NUP98: variants seen among roughly 807,000 people sequenced by gnomAD.
NUP98 encodes the protein nucleoporin 98 and 96 precursor, also known as nuclear pore complex protein Nup98-Nup96.
In NUP98, 26 loss-of-function variants were observed where a neutral mutation model predicts 191.9. The ratio of observed to expected loss-of-function variants is 0.14; its 90% CI spans 0.10 to 0.19. The LOEUF (loss-of-function observed/expected upper bound fraction) is 0.19. Among genes scored for constraint, NUP98 ranks in the 10% least tolerant of loss-of-function variants. The pLI is 1.00. For synonymous variants in NUP98, 808 were observed against 778.4 expected (o/e 1.04, Z -0.63); for missense variants, 1,941 against 2,178.8 (o/e 0.89, Z 2.17).
At chr11:3,758,708 C>T (rs1433644651) in intron 10 of NUP98, among the ~76,000 whole-genome samples, 4 of 152,070 alleles carry the variant, frequency 2.6e-5, no homozygotes, top group Non-Finnish European at 2.9e-5. Context: ...TCACTCCAAC[C>T]AGGGAGGTGG....
intron 12 of NUP98, among the ~76,000 whole-genome samples, chr11:3,743,025 C>CT (rs545235961): frequency 1.8e-4 from 28 of 151,516 alleles, no homozygotes; most frequent in African/African-American, 6.5e-4. Flanking sequence ...TTACTTTTTT[C>CT]TTTTTTTTGT....
At chr11:3,767,021 G>A (rs1378067685) in intron 8 of NUP98, among the ~76,000 whole-genome samples, 1 of 152,164 alleles carries the variant, frequency 6.6e-6, no homozygotes, top group Non-Finnish European at 1.5e-5. Flanking sequence ...CTGGAGTGCA[G>A]TGGCAAAATC....
chr11:3,703,216 CTTT>C (rs1310254994), intron 22 of NUP98, among the ~76,000 whole-genome samples: 5 of 139,134 alleles, frequency 3.6e-5, no homozygotes, highest in Non-Finnish European at 3.1e-5. Flanking sequence ...TCTTCAAAAA[CTTT>C]TTTTTTTTTT....
intron 1 of NUP98, among the ~76,000 whole-genome samples, chr11:3,787,368 G>C (rs561424193): frequency 6.6e-6 from 1 of 151,612 alleles, no homozygotes; most frequent in South Asian, 2.1e-4. Context: ...GATCAACTAA[G>C]GTCAGGAGTT....
At chr11:3,738,087 CAAAAAAAAAAA>C (rs61502115) in intron 12 of NUP98, among the ~76,000 whole-genome samples, 1 of 69,734 alleles carries the variant, frequency 1.4e-5, no homozygotes, top group African/African-American at 5.0e-5. Context: ...TGGGCGTTCT[CAAAAAAAAAAA>C]AAAAAAAAAC....
At chr11:3,751,074 C>T (rs1462679521) in intron 11 of NUP98, among the ~76,000 whole-genome samples, 1 of 151,998 alleles carries the variant, frequency 6.6e-6, no homozygotes, top group Non-Finnish European at 1.5e-5. Context: ...AAATATAATC[C>T]CAGGCCGGGC....
intron 32 of NUP98, 56 bp from the exon 33 acceptor site, chr11:3,676,432 G>C (rs987730473): frequency 4.9e-5 from 79 of 1,603,408 alleles, no homozygotes; most frequent in Non-Finnish European, 6.6e-5. Context: ...AAGGGTGGTA[G>C]GCACTGAGGG....
intron 17 of NUP98, among the ~76,000 whole-genome samples, chr11:3,719,801 G>A (rs1459100408): frequency 8.9e-6 from 1 of 112,758 alleles, no homozygotes; most frequent in Non-Finnish European, 1.8e-5. Flanking sequence ...GTCTTGTTCT[G>A]TTGACCAGAC....
chr11:3,774,011 T>A (rs1055518190), intron 5 of NUP98, among the ~76,000 whole-genome samples: 6 of 152,170 alleles, frequency 3.9e-5, no homozygotes, highest in African/African-American at 1.4e-4. Context: ...AAAATACATG[T>A]AATATTATGC....
intron 18 of NUP98, among the ~76,000 whole-genome samples, chr11:3,717,034 C>T (rs1370065512): frequency 6.6e-6 from 1 of 152,098 alleles, no homozygotes; most frequent in Non-Finnish European, 1.5e-5. Context: ...CACGTGGTCT[C>T]GCTTTGTCAC....
chr11:3,776,121 ATTTTTT>A, intron 4 of NUP98, 100 bp from the exon 5 acceptor site: 13 of 538,194 alleles, frequency 2.4e-5, no homozygotes, highest in Non-Finnish European at 3.1e-5. Context: ...ACAGTACTTC[ATTTTTT>A]TTTTTTTTTT....
rs140087999 is a variant in NUP98 at position 3,687,202 on chromosome 11, G to A, written c.4455-1008C>T. Among the ~76,000 whole-genome samples the A allele has an allele frequency of 1.2e-3, 180 of 152,184 alleles. 1 individual carries two copies. The highest frequency in any genetic ancestry group is 4.1e-3 in the African/African-American group (170 of 41,510). ...TCCCACTTCAGCGTCACAAACTGCT[G>A]GGATTATAGGCATGACGCACCATAC... On this transcript the variant is annotated intron_variant, in intron 28 of 32. Coordinates refer to ENST00000324932, the MANE Select transcript of NUP98 (RefSeq NM_016320.5).
chr11:3,707,650 C>G (rs1482492577), intron 20 of NUP98, among the ~76,000 whole-genome samples: 2 of 142,874 alleles, frequency 1.4e-5, no homozygotes, highest in African/African-American at 5.2e-5. Flanking sequence ...TGCCTATAAT[C>G]CCAGCTACTC....
rs765053676 is a variant in NUP98, at chr11:3,768,769, G to T, written c.785-25C>A. On this transcript the variant is annotated intron_variant, in intron 7 of 32. Coordinates refer to ENST00000324932, the MANE Select transcript of NUP98 (RefSeq NM_016320.5). ...CCTTTTAGGAAAAAGAAAAAAAAAA[G>T]AAAAAAGAAATAATAAAAAAAATGT... The T allele has an allele frequency of 2.5e-6, 3 of 1,179,126 alleles. No homozygotes were observed. The highest frequency in any genetic ancestry group is 2.0e-5 in the South Asian group (1 of 51,158). The allele number at this position is 1,179,126 out of a possible 1,614,324, so 73.0% of individuals were successfully genotyped here. A position where few individuals can be genotyped will look rare whatever the true frequency, so the allele number is the denominator to read the frequency against.
chr11:3,771,632 T>G lies in NUP98; in HGVS notation c.784+116A>C, dbSNP rs927392875. Reference sequence around the variant, plus strand: ...ATCCAGGCATTCCTCCCTATTCCTATGGTATCCCTGAATTATTATTTTTCT... The same window carrying G: ...ATCCAGGCATTCCTCCCTATTCCTAGGGTATCCCTGAATTATTATTTTTCT... On this transcript the variant is annotated intron_variant, in intron 7 of 32. Coordinates refer to ENST00000324932, the MANE Select transcript of NUP98 (RefSeq NM_016320.5). The G allele has an allele frequency of 7.1e-6, 6 of 841,676 alleles. No individual in the cohort carries two copies. The African/African-American group carries it at 1.0e-4, about 14-fold the overall frequency. The allele number at this position is 841,676 out of a possible 1,614,324, so 52.1% of individuals were successfully genotyped here. A position where few individuals can be genotyped will look rare whatever the true frequency, so the allele number is the denominator to read the frequency against.
chr11:3,708,256 A>G (rs188115369), intron 20 of NUP98, among the ~76,000 whole-genome samples: 4 of 152,330 alleles, frequency 2.6e-5, no homozygotes, highest in Admixed American at 6.5e-5. Flanking sequence ...AGAAAGCAGT[A>G]AACTATAAAA....
At chr11:3,750,338 C>T (rs1412621423) in intron 11 of NUP98, among the ~76,000 whole-genome samples, 5 of 151,992 alleles carry the variant, frequency 3.3e-5, no homozygotes, top group South Asian at 4.1e-4. Flanking sequence ...CCAAGTAATC[C>T]GCCCACCTCA....
At chr11:3,709,731 A>G (rs932805337) in intron 20 of NUP98, among the ~76,000 whole-genome samples, 9 of 147,316 alleles carry the variant, frequency 6.1e-5, no homozygotes, top group African/African-American at 2.0e-4. Flanking sequence ...TAAGTTTCTG[A>G]GCAAGCCAAT....
chr11:3,743,201 T>C (rs2080350712), intron 12 of NUP98, among the ~76,000 whole-genome samples: 1 of 151,394 alleles, frequency 6.6e-6, no homozygotes, highest in South Asian at 2.1e-4. Context: ...GCATTTTTAA[T>C]AGAGATGGGG....
Sources: allele counts gnomAD v4.1 joint callset (sites outside exome capture counted in the v4.1 genomes callset), GRCh38; gene constraint gnomAD v4.1.1; transcripts MANE v1.5; gene names NCBI Gene and HGNC (gene_info 2026-07-23, HGNC 2026-07-21).